The following DDX11 variants were observed in gnomAD, a reference collection of about 807,000 sequenced individuals.
DDX11 encodes the protein DEAD/H-box helicase 11.
Under a neutral mutation model 125.2 loss-of-function variants are expected in DDX11, and 72 were observed. The observed-to-expected ratio is 0.58, with a 90% CI of 0.48 to 0.70. DDX11 has a LOEUF of 0.70. Ranked by LOEUF, DDX11 falls within the 30% of genes least tolerant of loss-of-function variation. The pLI is 0.00. For missense variants in DDX11, 883 were observed against 1,165.0 expected, an observed-to-expected ratio of 0.76 and a Z score of 3.52; for synonymous variants, 347 against 452.6, an observed-to-expected ratio of 0.77 and a Z score of 2.96.
chr12:31,100,751 C>G (rs1454094668), intron 19 of DDX11, 44 bp downstream of exon 19: 1 of 1,547,880 alleles, frequency 6.5e-7, no homozygotes, highest in East Asian at 2.4e-5. Context: ...AGGTCAGGTT[C>G]TGGCCCCCGT....
rs534664973 is a variant in DDX11, at chr12:31,086,706, G to A, written c.639-1232G>A. 8.7e-4 allele frequency among the ~76,000 whole-genome samples: 132 copies of A among 151,642 alleles called. 1 individual carries two copies. The highest frequency in any genetic ancestry group is 3.1e-3 in the African/African-American group (129 of 41,266). ...CCTTCAGGTCTGGGCAAGAGCCATG[G>A]ATCCTGTAGGTCAGCTTCTGGGGCT... On this transcript the variant is annotated intron_variant, in intron 5 of 26. Coordinates refer to ENST00000542838, the MANE Select transcript of DDX11 (RefSeq NM_030653.4).
intron 24 of DDX11, 99 bp downstream of exon 24, chr12:31,103,119 G>A (rs1172374733): frequency 2.3e-5 from 34 of 1,461,484 alleles, no homozygotes; most frequent in South Asian, 1.4e-4. Flanking sequence ...TCCCCGCTGC[G>A]CTGGCGTCTC....
intron 3 of DDX11, 142 bp from the exon 4 acceptor site, chr12:31,084,441 G>A: frequency 1.2e-6 from 1 of 808,344 alleles, no homozygotes. Context: ...TCCCGGGAGG[G>A]GATGCGGCAG....
chr12:31,077,894 A>T (rs1181377964), intron 1 of DDX11: 3 of 286,440 alleles, frequency 1.0e-5, no homozygotes. Flanking sequence ...TGCGCTATCC[A>T]AACAACAAGC....
chr12:31,101,322 C>T (rs6487975), intron 20 of DDX11, 192 bp downstream of exon 20: 323,593 of 633,318 alleles, frequency 0.51, 87,036 homozygotes, highest in East Asian at 0.85. Flanking sequence ...GCTTCCCCGC[C>T]CCTCACGCCT....
chr12:31,084,182 T>C lies in DDX11; in HGVS notation c.393+121T>C, dbSNP rs1204918883. The C allele has an allele frequency of 2.7e-5, 37 of 1,367,862 alleles. No homozygotes were observed. In the Admixed American group the frequency reaches 5.0e-4, roughly 19 times the overall value. 84.7% of individuals were successfully genotyped at this position (1,367,862 alleles called of 1,614,324 possible). A position where few individuals can be genotyped will look rare whatever the true frequency, so the allele number is the denominator to read the frequency against. ...CCCTGCCGTTGCCGTGCCTCTCAGCTCTTCCCTCAGCTCCTTGGGTCTATG... is the reference window on the plus strand; with the variant it reads ...CCCTGCCGTTGCCGTGCCTCTCAGCCCTTCCCTCAGCTCCTTGGGTCTATG... On this transcript the variant is annotated intron_variant, in intron 3 of 26. Transcript: ENST00000542838.
intron 5 of DDX11, among the ~76,000 whole-genome samples, chr12:31,087,344 C>T (rs1048755343): frequency 4.0e-5 from 6 of 151,858 alleles, no homozygotes; most frequent in Admixed American, 3.3e-4. Context: ...GAAACAAGGC[C>T]GACCTGGGTC....
chr12:31,080,667 C>G (rs1213673096), intron 2 of DDX11, among the ~76,000 whole-genome samples: 2 of 152,116 alleles, frequency 1.3e-5, no homozygotes, highest in Non-Finnish European at 1.5e-5. Flanking sequence ...CTTCCACTTT[C>G]TTTTTGTGGG....
intron 14 of DDX11, among the ~76,000 whole-genome samples, chr12:31,095,733 G>A (rs1422372240): frequency 6.6e-6 from 1 of 152,164 alleles, no homozygotes; most frequent in Non-Finnish European, 1.5e-5. Context: ...GGACATGGGT[G>A]CAGGCACTCC....
In DDX11 at chr12:31,096,948, A is replaced by C; in HGVS notation, c.1720A>C (p.Thr574Pro). 3 of 1,614,016 alleles carry C rather than the reference A, an allele frequency of 1.9e-6. No homozygotes were observed. Among genetic ancestry groups the C allele is most frequent in the Non-Finnish European group, 2.5e-6 (3 of 1,179,980 alleles). ...CATCCAAGGCTTCCTGGCAGCTCTC[A>C]CTACGGCCAACCAGGACGGCAGGGT... is the stretch of plus-strand genomic sequence containing the variant. ...MHIQGFLAAL[T>P]TANQDGRVIL... The change falls in exon 17 of 27, where the codon ACT becomes CCT. Residue 574 changes from threonine to proline, a missense_variant. Around this residue, in one of 5 missense-constraint regions of DDX11, gnomAD observed 241 missense variants for 279.7 expected, o/e 0.86. Transcript: ENST00000542838.
At chr12:31,093,163 G>A (rs894956053) in intron 11 of DDX11, 82 bp from the exon 12 acceptor site, 59 of 1,427,996 alleles carry the variant, frequency 4.1e-5, no homozygotes, top group East Asian at 3.4e-4. Flanking sequence ...GAGAGGCACC[G>A]GGCAGCAAGG....
intron 18 of DDX11, 115 bp from the exon 19 acceptor site, chr12:31,100,520 G>A: frequency 1.1e-6 from 1 of 908,408 alleles, no homozygotes; most frequent in East Asian, 2.7e-5. Flanking sequence ...CCTTTTCTTT[G>A]ACCTCTTCTT....
chr12:31,102,349 T>G lies in DDX11; in HGVS notation c.2271+38T>G, dbSNP rs750914205. The G allele has an allele frequency of 3.1e-6, 5 of 1,609,792 alleles. No homozygotes were observed. In the South Asian group the frequency reaches 3.3e-5, roughly 11 times the overall value. ...TGCTGGGCTTGGGTCTGAGATCGTGTGGGGGTGGCAGCTGGAAACGTTGTG... is the reference window on the plus strand; with the variant it reads ...TGCTGGGCTTGGGTCTGAGATCGTGGGGGGGTGGCAGCTGGAAACGTTGTG... On this transcript the variant is annotated intron_variant, in intron 22 of 26. Transcript: ENST00000542838.
Position 31,096,505 on chromosome 12 carries a change from G to T in DDX11, c.1521+126G>T, listed in dbSNP as rs1184259430. The T allele has an allele frequency of 4.4e-6, 7 of 1,594,332 alleles. No individual in the cohort carries two copies. The African/African-American group carries it at 9.4e-5, about 21-fold the overall frequency. ...CCCCTTCGTCTCCACTCTCCTTGGTGCAGTGGGCCTTGCTGGGGTGGTGGG... is the reference window on the plus strand; with the variant it reads ...CCCCTTCGTCTCCACTCTCCTTGGTTCAGTGGGCCTTGCTGGGGTGGTGGG... On this transcript the variant is annotated intron_variant, in intron 15 of 26. Coordinates refer to ENST00000542838, the MANE Select transcript of DDX11 (RefSeq NM_030653.4).
chr12:31,100,131 G>A (rs1402272772), intron 18 of DDX11, among the ~76,000 whole-genome samples: 2 of 152,094 alleles, frequency 1.3e-5, no homozygotes, highest in Non-Finnish European at 2.9e-5. Context: ...CTTCTCACTG[G>A]ACTCCTAAAT....
intron 22 of DDX11, 25 bp from the exon 23 acceptor site, chr12:31,102,402 C>A: frequency 6.2e-7 from 1 of 1,612,398 alleles, no homozygotes; most frequent in Non-Finnish European, 8.5e-7. Flanking sequence ...GGCTCAGCAA[C>A]TCAGCGTCTG....
rs1592532893 is a variant in DDX11 at position 31,073,993 on chromosome 12, C to T, written c.-103C>T. 1 of 152,394 alleles carries T rather than the reference C, an allele frequency of 6.6e-6. No homozygotes were observed. Among genetic ancestry groups the T allele is most frequent in the Admixed American group, 6.5e-5 (1 of 15,292 alleles). The allele number at this position is 152,394 out of a possible 1,614,324, so 9.4% of individuals were successfully genotyped here. A position where few individuals can be genotyped will look rare whatever the true frequency, so the allele number is the denominator to read the frequency against. On this transcript the variant is annotated 5_prime_UTR_variant, in exon 1 of 27. Transcript: ENST00000542838. Reference sequence around the variant, plus strand: ...AGGTGAGCGCAGTGCTGTGTGGCAGCAGAGCTCCTTAGGACGAGGAGCAGC... The same window carrying T: ...AGGTGAGCGCAGTGCTGTGTGGCAGTAGAGCTCCTTAGGACGAGGAGCAGC...
Position 31,101,283 on chromosome 12 carries a change from G to A in DDX11, c.2052+153G>A, listed in dbSNP as rs551864494. 9.8e-4 allele frequency: 691 copies of A among 702,140 alleles called. 9 individuals are homozygous for A. Among genetic ancestry groups the A allele is most frequent in the South Asian group, 8.3e-3 (531 of 63,972 alleles). 43.5% of individuals were successfully genotyped at this position (702,140 alleles called of 1,614,324 possible). On this transcript the variant is annotated intron_variant, in intron 20 of 26. Coordinates refer to ENST00000542838, the MANE Select transcript of DDX11 (RefSeq NM_030653.4). The stretch of plus-strand genomic sequence containing the variant: ...AGAGCCACACAGAATGAGCGGCGTC[G>A]ATCTAGATGCTTATGGAGGAAGGTC...
At chr12:31,094,732 G>A in intron 13 of DDX11, 23 bp from the exon 14 acceptor site, 1 of 1,605,712 alleles carries the variant, frequency 6.2e-7, no homozygotes, top group Non-Finnish European at 8.5e-7. Flanking sequence ...AGCTCCCAAG[G>A]CCCTTCATGT....
Sources: allele counts gnomAD v4.1 joint callset (sites outside exome capture counted in the v4.1 genomes callset), GRCh38; gene constraint gnomAD v4.1.1; regional missense constraint gnomAD v4.1.1; transcripts MANE v1.5; gene names NCBI Gene and HGNC (gene_info 2026-07-23, HGNC 2026-07-21).